Variants in ADGRL2 observed in about 807,000 individuals in gnomAD.
ADGRL2 encodes calcium-independent alpha-latrotoxin receptor 2.
Under a neutral mutation model 157.4 loss-of-function variants are expected in ADGRL2, and 44 were observed. The ratio of observed to expected loss-of-function variants is 0.28; its 90% CI spans 0.22 to 0.36. The LOEUF is 0.36. Ranked by LOEUF, ADGRL2 falls within the 10% of genes least tolerant of loss-of-function variation. The pLI, the probability that ADGRL2 is intolerant of heterozygous loss-of-function variation, is 1.00. For synonymous variants in ADGRL2, 585 were observed against 624.7 expected (o/e 0.94, Z 0.95); for missense variants, 1,510 against 1,768.9 (o/e 0.85, Z 2.63).
chr1:81,523,236 C>T (rs752086266), intron 2 of ADGRL2, among the ~76,000 whole-genome samples: 6 of 151,900 alleles, frequency 3.9e-5, no homozygotes, highest in Non-Finnish European at 7.4e-5. Context: ...TAATATAAAA[C>T]GTTAATCAAA....
At chr1:81,879,444 G>C (rs2093927262) in intron 2 of ADGRL2, among the ~76,000 whole-genome samples, 1 of 150,982 alleles carries the variant, frequency 6.6e-6, no homozygotes, top group African/African-American at 2.4e-5. Context: ...AGTTGGCTTA[G>C]ACAACTCTTA....
intron 3 of ADGRL2, among the ~76,000 whole-genome samples, chr1:81,650,311 C>T (rs1159269180): frequency 2.0e-5 from 3 of 152,074 alleles, no homozygotes; most frequent in African/African-American, 7.2e-5. Flanking sequence ...CTGGCTCACA[C>T]CTGTAATCCC....
At chr1:81,988,868 A>C (rs1663951151) in intron 23 of ADGRL2, among the ~76,000 whole-genome samples, 1 of 152,044 alleles carries the variant, frequency 6.6e-6, no homozygotes, top group Admixed American at 6.6e-5. Flanking sequence ...CCAAGAATTA[A>C]ATTTTTTCCT....
intron 2 of ADGRL2, among the ~76,000 whole-genome samples, chr1:81,509,505 G>T (rs75177450): frequency 7.2e-5 from 11 of 152,076 alleles, no homozygotes; most frequent in African/African-American, 2.2e-4. Flanking sequence ...TTGACACACC[G>T]TTCTTGACAC....
intron 2 of ADGRL2, among the ~76,000 whole-genome samples, chr1:81,841,650 C>T (rs1420469275): frequency 1.3e-5 from 2 of 152,034 alleles, no homozygotes; most frequent in East Asian, 3.9e-4. Flanking sequence ...TACATATATA[C>T]ACATATTTGT....
chr1:81,389,492 G>A (rs142612740), intron 1 of ADGRL2, among the ~76,000 whole-genome samples: 56 of 152,230 alleles, frequency 3.7e-4, no homozygotes, highest in Middle Eastern at 3.4e-3. Flanking sequence ...GTTAACAATA[G>A]CATAGAAAGA....
At chr1:81,794,157 G>T (rs1177837891) in intron 2 of ADGRL2, among the ~76,000 whole-genome samples, 2 of 152,096 alleles carry the variant, frequency 1.3e-5, no homozygotes, top group Non-Finnish European at 2.9e-5. Flanking sequence ...TAATAAATAA[G>T]AAATTAGCTT....
intron 1 of ADGRL2, among the ~76,000 whole-genome samples, chr1:81,750,767 C>A (rs1329530033): frequency 1.3e-5 from 2 of 151,872 alleles, no homozygotes; most frequent in African/African-American, 4.8e-5. Context: ...CTACATTGGA[C>A]CCTGTGGTGC....
chr1:81,347,992 T>C (rs1662599764), intron 1 of ADGRL2, among the ~76,000 whole-genome samples: 1 of 152,128 alleles, frequency 6.6e-6, no homozygotes, highest in Non-Finnish European at 1.5e-5. Flanking sequence ...CAAAAAATCA[T>C]CAGGCATGTC....
At chr1:81,537,046 T>A (rs1267511813) in intron 2 of ADGRL2, among the ~76,000 whole-genome samples, 1 of 152,226 alleles carries the variant, frequency 6.6e-6, no homozygotes, top group African/African-American at 2.4e-5. Flanking sequence ...TCCTTTATTT[T>A]TGATAAATAC....
At chr1:81,937,304 G>A (rs537974860) in intron 4 of ADGRL2, among the ~76,000 whole-genome samples, 3 of 151,884 alleles carry the variant, frequency 2.0e-5, no homozygotes, top group Admixed American at 2.0e-4. Context: ...TTGTTCTATT[G>A]TCTTTAAGGG....
intron 2 of ADGRL2, among the ~76,000 whole-genome samples, chr1:81,550,285 A>T (rs981501395): frequency 6.6e-6 from 1 of 152,202 alleles, no homozygotes. Flanking sequence ...GTAAAGCTAG[A>T]ATCTCATTTG....
chr1:81,776,867 T>G (rs185404813), intron 2 of ADGRL2, among the ~76,000 whole-genome samples: 1 of 152,310 alleles, frequency 6.6e-6, no homozygotes, highest in East Asian at 1.9e-4. Flanking sequence ...ATTTTTCTTA[T>G]CTATAACATT....
At chr1:81,802,168 G>A (rs933160226) in intron 1 of ADGRL2, among the ~76,000 whole-genome samples, 1 of 151,678 alleles carries the variant, frequency 6.6e-6, no homozygotes, top group African/African-American at 2.4e-5. Flanking sequence ...TGCCCTCCGC[G>A]CCTGTCCCCG....
intron 2 of ADGRL2, among the ~76,000 whole-genome samples, chr1:81,874,646 T>A (rs1261464733): frequency 6.6e-6 from 1 of 151,496 alleles, no homozygotes; most frequent in Non-Finnish European, 1.5e-5. Context: ...TGTCCTGTCC[T>A]GTCCTGTCCT....
Position 81,435,869 on chromosome 1 carries a change from G to T in ADGRL2, c.-301-9167G>T, listed in dbSNP as rs182664172. ...CCCAGCACTTTGGGAGTCTGAGGCA[G>T]GTGGATCACCTGAGGTCGGGAGTTT... On this transcript the variant is annotated intron_variant, in intron 1 of 24. Coordinates refer to the ADGRL2 transcript ENST00000370721. Among the ~76,000 whole-genome samples the T allele has an allele frequency of 1.3e-3, 200 of 152,288 alleles. 1 individual carries two copies. The highest frequency in any genetic ancestry group is 4.5e-3 in the African/African-American group (188 of 41,568).
chr1:81,463,695 T>G (rs567143265), intron 2 of ADGRL2, among the ~76,000 whole-genome samples: 37 of 152,290 alleles, frequency 2.4e-4, no homozygotes, highest in Admixed American at 2.2e-3. Context: ...AGACAGCAAA[T>G]GAACCAGACT....
chr1:81,628,429 G>A (rs1222335916), intron 3 of ADGRL2, among the ~76,000 whole-genome samples: 2 of 152,092 alleles, frequency 1.3e-5, no homozygotes, highest in Admixed American at 6.6e-5. Flanking sequence ...TAAATGTCCA[G>A]CCTTGATAAC....
chr1:81,711,243 C>T (rs1338625949), intron 1 of ADGRL2, among the ~76,000 whole-genome samples: 2 of 152,074 alleles, frequency 1.3e-5, no homozygotes, highest in Admixed American at 6.6e-5. Flanking sequence ...GATTGTTTTC[C>T]TTGAAGTGAT....
Sources: allele counts gnomAD v4.1 joint callset (sites outside exome capture counted in the v4.1 genomes callset), GRCh38; gene constraint gnomAD v4.1.1; transcripts MANE v1.5; gene names NCBI Gene and HGNC (gene_info 2026-07-23, HGNC 2026-07-21).